The following KCNQ5 variants were observed in gnomAD, a reference collection of about 807,000 sequenced individuals.
KCNQ5 encodes potassium voltage-gated channel subfamily Q member 5.
Under a neutral mutation model 98.2 loss-of-function variants are expected in KCNQ5, and 30 were observed. That is an observed-to-expected ratio of 0.31 (90% confidence interval 0.23 to 0.41). The LOEUF is 0.41. Among genes scored for constraint, KCNQ5 ranks in the 10% least tolerant of loss-of-function variants. The pLI, the probability that KCNQ5 is intolerant of heterozygous loss-of-function variation, is 1.00. For synonymous variants in KCNQ5, 458 were observed against 449.4 expected, an observed-to-expected ratio of 1.02 and a Z score of -0.24; for missense variants, 835 against 1,182.5, an observed-to-expected ratio of 0.71 and a Z score of 4.31.
chr6:72,921,481 T>C (rs188210011), intron 1 of KCNQ5, among the ~76,000 whole-genome samples: 43 of 152,272 alleles, frequency 2.8e-4, no homozygotes, highest in East Asian at 2.7e-3. Context: ...AAGAGCAAGA[T>C]AGTGGTGTAC....
At chr6:72,646,832 A>G (rs911166635) in intron 1 of KCNQ5, among the ~76,000 whole-genome samples, 1 of 152,212 alleles carries the variant, frequency 6.6e-6, no homozygotes, top group South Asian at 2.1e-4. Flanking sequence ...GATATGAATC[A>G]TCATTATTTA....
At chr6:73,030,275 C>A (rs1161346893) in intron 2 of KCNQ5, among the ~76,000 whole-genome samples, 1 of 152,080 alleles carries the variant, frequency 6.6e-6, no homozygotes, top group Non-Finnish European at 1.5e-5. Context: ...TATGCAGTTT[C>A]TATTGGTGGT....
intron 10 of KCNQ5, among the ~76,000 whole-genome samples, chr6:73,163,280 C>A (rs9341412): frequency 0.44 from 66,411 of 151,830 alleles, 14,955 homozygotes; most frequent in Admixed American, 0.52. Flanking sequence ...TGCCTGTAGT[C>A]CTAGCTACTA....
chr6:72,906,575 G>A (rs1265179237), intron 1 of KCNQ5, among the ~76,000 whole-genome samples: 5 of 152,172 alleles, frequency 3.3e-5, no homozygotes, highest in East Asian at 3.9e-4. Context: ...GGCCTTTCCC[G>A]CTGCTTCCTC....
chr6:72,691,287 T>C (rs114249975), intron 1 of KCNQ5, among the ~76,000 whole-genome samples: 315 of 152,318 alleles, frequency 2.1e-3, no homozygotes, highest in African/African-American at 7.4e-3. Flanking sequence ...TAAAAACCGA[T>C]TTATAAACCC....
At chr6:73,170,420 CCACACACACACACACACACACA>C (rs57867720) in intron 11 of KCNQ5, among the ~76,000 whole-genome samples, 1 of 140,856 alleles carries the variant, frequency 7.1e-6, no homozygotes, top group African/African-American at 2.7e-5. Flanking sequence ...ACCTTTCCCA[CCACACACACACACACACACACA>C]CACACACACA....
At chr6:72,689,857 A>G (rs1043799767) in intron 1 of KCNQ5, among the ~76,000 whole-genome samples, 2 of 151,998 alleles carry the variant, frequency 1.3e-5, no homozygotes, top group Non-Finnish European at 2.9e-5. Flanking sequence ...GTTGACAGTA[A>G]TCTGATTGGG....
rs1361951929 is a variant in KCNQ5 at position 73,196,230 on chromosome 6, G to C, written c.*816G>C. 2 of 152,214 alleles carry C rather than the reference G, an allele frequency of 1.3e-5. No homozygotes were observed. The highest frequency in any genetic ancestry group is 2.9e-5 in the Non-Finnish European group (2 of 68,054). The allele number at this position is 152,214 out of a possible 1,614,324, so 9.4% of individuals were successfully genotyped here. A position where few individuals can be genotyped will look rare whatever the true frequency, so the allele number is the denominator to read the frequency against. On this transcript the variant is annotated 3_prime_UTR_variant, in exon 14 of 14. Transcript: ENST00000370398. ...GTAGAACAGCCATTGTGATTGGACT[G>C]GTTTCTCTGCAATGGCGCCAACCCC... is the stretch of plus-strand genomic sequence containing the variant.
intron 2 of KCNQ5, among the ~76,000 whole-genome samples, chr6:73,030,375 T>C (rs1771087792): frequency 6.6e-6 from 1 of 152,124 alleles, no homozygotes; most frequent in Non-Finnish European, 1.5e-5. Flanking sequence ...CTGACTGAGT[T>C]TCAATATCAA....
chr6:72,901,755 T>C (rs965910728), intron 1 of KCNQ5, among the ~76,000 whole-genome samples: 1 of 152,196 alleles, frequency 6.6e-6, no homozygotes, highest in Admixed American at 6.5e-5. Flanking sequence ...TATGGCCTTA[T>C]AGTATAGTTT....
intron 5 of KCNQ5, among the ~76,000 whole-genome samples, chr6:73,101,754 AC>A (rs1262485538): frequency 6.6e-6 from 1 of 152,192 alleles, no homozygotes; most frequent in Admixed American, 6.5e-5. Context: ...TAAAGAGGAT[AC>A]AAAAAAAGGA....
At chr6:73,137,848 C>A (rs1562201065) in intron 10 of KCNQ5, among the ~76,000 whole-genome samples, 3 of 152,156 alleles carry the variant, frequency 2.0e-5, no homozygotes, top group Admixed American at 6.5e-5. Context: ...GATATTATAT[C>A]AATTTCCCTT....
intron 5 of KCNQ5, among the ~76,000 whole-genome samples, chr6:73,084,499 G>A (rs949142438): frequency 1.3e-5 from 2 of 152,122 alleles, no homozygotes; most frequent in Non-Finnish European, 1.5e-5. Flanking sequence ...AGTCACTGAC[G>A]TACGCAGTTT....
At chr6:73,165,764 G>A (rs998137526) in intron 10 of KCNQ5, among the ~76,000 whole-genome samples, 2 of 151,998 alleles carry the variant, frequency 1.3e-5, no homozygotes, top group Admixed American at 6.6e-5. Flanking sequence ...GGCCAACATG[G>A]TGAAACCCCG....
intron 1 of KCNQ5, among the ~76,000 whole-genome samples, chr6:72,827,068 T>C (rs1776032579): frequency 6.6e-6 from 1 of 152,214 alleles, no homozygotes; most frequent in African/African-American, 2.4e-5. Context: ...ATTCTTTTTA[T>C]GGCTGAATAG....
At chr6:72,854,798 G>C (rs1777458808) in intron 1 of KCNQ5, among the ~76,000 whole-genome samples, 1 of 146,406 alleles carries the variant, frequency 6.8e-6, no homozygotes, top group African/African-American at 2.5e-5. Context: ...GCGTAGATTA[G>C]AGCAAGCAGA....
intron 10 of KCNQ5, among the ~76,000 whole-genome samples, chr6:73,155,754 T>G (rs1012002923): frequency 6.6e-6 from 1 of 152,222 alleles, no homozygotes; most frequent in African/African-American, 2.4e-5. Flanking sequence ...TTTCTTTCTT[T>G]GTGATTTAAT....
intron 1 of KCNQ5, among the ~76,000 whole-genome samples, chr6:72,672,618 C>A (rs2154473420): frequency 6.6e-6 from 1 of 152,196 alleles, no homozygotes; most frequent in East Asian, 1.9e-4. Flanking sequence ...AAAGTGACAA[C>A]CTCCTGGGGC....
intron 1 of KCNQ5, among the ~76,000 whole-genome samples, chr6:72,787,004 C>CAAAAAAAAAAAAAAAAAAAAAAAAAA (rs1045803750): frequency 2.0e-5 from 1 of 50,438 alleles, no homozygotes; most frequent in Non-Finnish European, 4.5e-5. Context: ...GACTCTGTCT[C>CAAAAAAAAAAAAAAAAAAAAAAAAAA]AAAAAAAAAA....
Sources: gnomAD v4.1 joint callset for allele counts (sites outside exome capture counted in the v4.1 genomes callset) on GRCh38, gnomAD v4.1.1 for gene constraint, MANE v1.5 for transcripts, NCBI Gene and HGNC (gene_info 2026-07-23, HGNC 2026-07-21) for gene names.